Variants in NHSL1 observed in about 807,000 individuals in gnomAD.
NHSL1 encodes NHS like 1, also known as NHS-like protein 1.
NHSL1 carries 48 observed loss-of-function variants against 95.0 expected under a neutral mutation model. The observed-to-expected ratio is 0.51, with a 90% CI of 0.40 to 0.64. NHSL1 has a LOEUF of 0.64. Ranked by LOEUF, NHSL1 falls within the 30% of genes least tolerant of loss-of-function variation. The pLI, the probability that NHSL1 is intolerant of heterozygous loss-of-function variation, is 0.00. For synonymous variants in NHSL1, 783 were observed against 833.9 expected (o/e 0.94, Z 1.05); for missense variants, 1,971 against 2,077.7 (o/e 0.95, Z 1.00).
chr6:138,545,934 G>T, upstream of NHSL1: 1 of 600,108 alleles, frequency 1.7e-6, no homozygotes, highest in Non-Finnish European at 2.1e-6. Flanking sequence ...GTGCAGATCA[G>T]CCCAAGGGCG....
intron 5 of NHSL1, among the ~76,000 whole-genome samples, chr6:138,434,978 T>A (rs1054837162): frequency 6.6e-6 from 1 of 152,166 alleles, no homozygotes; most frequent in African/African-American, 2.4e-5. Context: ...TGGAGAGGAA[T>A]TTTTATACTT....
At chr6:138,603,932 A>G (rs561257993) in intron 1 of NHSL1, among the ~76,000 whole-genome samples, 1 of 152,330 alleles carries the variant, frequency 6.6e-6, no homozygotes, top group South Asian at 2.1e-4. Context: ...TAAACACCAC[A>G]CAGACTCTGA....
chr6:138,689,856 C>T (rs557616032), intron 1 of NHSL1, among the ~76,000 whole-genome samples: 9 of 152,126 alleles, frequency 5.9e-5, no homozygotes, highest in African/African-American at 2.2e-4. Flanking sequence ...CCATGTTGGC[C>T]AGGCTGATCT....
chr6:138,605,291 T>C (rs910904930), intron 1 of NHSL1, among the ~76,000 whole-genome samples: 6 of 152,200 alleles, frequency 3.9e-5, no homozygotes, highest in African/African-American at 1.4e-4. Context: ...AGTGGTATTA[T>C]CACAGCTCAC....
intron 1 of NHSL1, among the ~76,000 whole-genome samples, chr6:138,644,737 G>A (rs557328244): frequency 3.5e-4 from 54 of 152,220 alleles, no homozygotes; most frequent in Non-Finnish European, 6.3e-4. Flanking sequence ...GGAGACAAAC[G>A]ATAAATTATT....
intron 1 of NHSL1, among the ~76,000 whole-genome samples, chr6:138,663,560 CAA>C (rs56870354): frequency 0.026 from 2,509 of 95,474 alleles, 75 homozygotes; most frequent in African/African-American, 0.085. Flanking sequence ...AACTCCATCT[CAA>C]AAAAAAAAAA....
In NHSL1 at chr6:138,586,462, T is replaced by C. The variant is rs898840611; in HGVS notation, c.97-90091A>G. On this transcript the variant is annotated intron_variant, in intron 1 of 3. Transcript: ENST00000491526. The stretch of plus-strand genomic sequence containing the variant: ...GCACATAGGGAATTATAGCAGGGTA[T>C]AGCCTACACTTGAGGTACAGTAAGT... 5.3e-5 allele frequency among the ~76,000 whole-genome samples: 8 copies of C among 152,304 alleles called. No homozygotes were observed. In the East Asian group the frequency reaches 1.4e-3, roughly 26 times the overall value.
intron 1 of NHSL1, among the ~76,000 whole-genome samples, chr6:138,653,181 C>T (rs1785114106): frequency 6.6e-6 from 1 of 152,172 alleles, no homozygotes; most frequent in South Asian, 2.1e-4. Context: ...GCACTCAAGA[C>T]AATTTGACTT....
At position 138,692,113 on chromosome 6, in the gene NHSL1, A is replaced by G. The variant is rs1583483767; in HGVS notation, c.96+363T>C. ...TCTCCCCTGGCTTTTCCAACAGGCT[A>G]CCTGCCTGTGACAGTTTTCCCACGA... is the stretch of plus-strand genomic sequence containing the variant. On this transcript the variant is annotated intron_variant, in intron 1 of 3. Transcript: ENST00000491526. This position sits in a 1 kb window ranked among gnomAD's most constrained non-coding sequence, Gnocchi z 4.0. 2.2e-6 allele frequency: 1 copy of G among 454,872 alleles called. No individual in the cohort carries two copies. The highest frequency in any genetic ancestry group is 4.4e-6 in the Non-Finnish European group (1 of 226,892). 28.2% of individuals were successfully genotyped at this position (454,872 alleles called of 1,614,324 possible). A position where few individuals can be genotyped will look rare whatever the true frequency, so the allele number is the denominator to read the frequency against.
At chr6:138,671,309 G>T (rs1785366810) in intron 1 of NHSL1, among the ~76,000 whole-genome samples, 1 of 151,760 alleles carries the variant, frequency 6.6e-6, no homozygotes. Context: ...AATTAGCCGG[G>T]CATGATGACG....
intron 1 of NHSL1, among the ~76,000 whole-genome samples, chr6:138,538,718 T>C (rs1782462637): frequency 6.6e-6 from 1 of 152,230 alleles, no homozygotes; most frequent in African/African-American, 2.4e-5. Flanking sequence ...AAAGCCGAGA[T>C]TTTCTCTTTT....
chr6:138,468,367 G>A lies in NHSL1; in HGVS notation c.339+4939C>T, dbSNP rs572215731. On this transcript the variant is annotated intron_variant, in intron 3 of 7. Coordinates refer to ENST00000343505, the MANE Select transcript of NHSL1 (RefSeq NM_001144060.2). ...AGGAGCAACAGGCTATATACCGGGG[G>A]TCCCCAGCCCCAAGGCCGTGCACTT... Among the ~76,000 whole-genome samples the A allele has an allele frequency of 1.0e-3, 157 of 152,278 alleles. 1 individual carries two copies. Among genetic ancestry groups the A allele is most frequent in the Middle Eastern group, 3.4e-3 (1 of 294 alleles).
chr6:138,674,926 T>C (rs1785429371), intron 1 of NHSL1, among the ~76,000 whole-genome samples: 1 of 152,012 alleles, frequency 6.6e-6, no homozygotes, highest in Non-Finnish European at 1.5e-5. Flanking sequence ...CACGCATCTG[T>C]AGTCCCAGCT....
intron 3 of NHSL1, among the ~76,000 whole-genome samples, chr6:138,462,359 C>T (rs374258140): frequency 5.3e-5 from 8 of 152,242 alleles, no homozygotes; most frequent in Admixed American, 2.6e-4. Context: ...TAACAACTGA[C>T]TCTCACTGGA....
chr6:138,429,907 C>T (rs1775518507), intron 6 of NHSL1, 64 bp from the exon 7 acceptor site: 4 of 1,481,252 alleles, frequency 2.7e-6, no homozygotes, highest in East Asian at 2.5e-5. Context: ...CTCAGCCAAG[C>T]TTCTAAATAT....
chr6:138,604,652 G>C (rs1193986037), intron 1 of NHSL1, among the ~76,000 whole-genome samples: 1 of 152,164 alleles, frequency 6.6e-6, no homozygotes. Context: ...TTTTGAGACA[G>C]TCTCACACTG....
chr6:138,430,859 G>A lies in NHSL1; in HGVS notation c.3486C>T (p.Arg1162=). Residue 1162 remains arginine, a synonymous_variant, in exon 6 of 8, where the codon CGC becomes CGT. Transcript: ENST00000343505. This position sits in a 1 kb window ranked among gnomAD's most constrained non-coding sequence, Gnocchi z 4.7. ...CCCCAGCGCTTGGAGCTCCAGGGCTGCGGCTCACAGGGCCACCACGCTCAG... is the reference window on the plus strand; with the variant it reads ...CCCCAGCGCTTGGAGCTCCAGGGCTACGGCTCACAGGGCCACCACGCTCAG... The part of the protein sequence containing the change: ...SAAERGGPVS[R]SPGAPSAGEA... The A allele has an allele frequency of 6.4e-7, 1 of 1,551,060 alleles. No individual in the cohort carries two copies. The highest frequency in any genetic ancestry group is 8.7e-7 in the Non-Finnish European group (1 of 1,146,838).
In NHSL1 at chr6:138,423,643, A is replaced by G. The variant is rs912534035; in HGVS notation, c.*438T>C. On this transcript the variant is annotated 3_prime_UTR_variant, in exon 8 of 8. Coordinates refer to ENST00000343505, the MANE Select transcript of NHSL1 (RefSeq NM_001144060.2). Reference sequence around the variant, plus strand: ...TTTCTTACAAAACTCGCTGATTTCTATAAACGTAATTCTCTGAAAGCAATT... The same window carrying G: ...TTTCTTACAAAACTCGCTGATTTCTGTAAACGTAATTCTCTGAAAGCAATT... The G allele has an allele frequency of 6.5e-6, 1 of 153,994 alleles. No individual in the cohort carries two copies. The highest frequency in any genetic ancestry group is 2.4e-5 in the African/African-American group (1 of 41,462). 9.5% of individuals were successfully genotyped at this position (153,994 alleles called of 1,614,324 possible).
At chr6:138,607,354 C>CA (rs552811991) in intron 1 of NHSL1, among the ~76,000 whole-genome samples, 44 of 151,816 alleles carry the variant, frequency 2.9e-4, no homozygotes, top group Admixed American at 1.5e-3. Context: ...CAAAACCAAC[C>CA]AAAAAAACAA....
Sources: allele counts gnomAD v4.1 joint callset (sites outside exome capture counted in the v4.1 genomes callset), GRCh38; gene constraint gnomAD v4.1.1; non-coding constraint Gnocchi (gnomAD v3.1); transcripts MANE v1.5; gene names NCBI Gene and HGNC (gene_info 2026-07-23, HGNC 2026-07-21).